Variants in PHF2 observed in about 807,000 individuals in gnomAD.
PHF2 encodes the protein PHD finger protein 2.
A neutral mutation model predicts 120.5 loss-of-function variants in PHF2; 27 were observed. The observed-to-expected ratio is 0.22, with a 90% CI of 0.17 to 0.31. PHF2 has a LOEUF of 0.31. PHF2 is among the 10% of genes least tolerant of loss of function. PHF2 has a pLI of 1.00. For synonymous variants in PHF2, 568 were observed against 592.5 expected, an observed-to-expected ratio of 0.96 and a Z score of 0.60; for missense variants, 1,024 against 1,434.8, an observed-to-expected ratio of 0.71 and a Z score of 4.63.
intron 18 of PHF2, 145 bp downstream of exon 18, chr9:93,674,007 C>A (rs1482629288): frequency 3.5e-5 from 32 of 915,176 alleles, no homozygotes; most frequent in Non-Finnish European, 4.6e-5. Context: ...ACTGCTGTCC[C>A]CGGAGACCCT....
chr9:93,578,665 G>A (rs1348001064), intron 1 of PHF2, among the ~76,000 whole-genome samples: 1 of 152,190 alleles, frequency 6.6e-6, no homozygotes, highest in East Asian at 1.9e-4. Context: ...GGGAAGGGAA[G>A]GCTAGTTCTG....
intron 19 of PHF2, among the ~76,000 whole-genome samples, chr9:93,675,345 C>T (rs1826889480): frequency 2.0e-5 from 3 of 152,260 alleles, no homozygotes; most frequent in African/African-American, 7.2e-5. Flanking sequence ...GTACCGGAGG[C>T]ACCCACTTGA....
chr9:93,665,652 G>A (rs1177363552), intron 14 of PHF2, 34 bp from the exon 15 acceptor site: 3 of 1,606,064 alleles, frequency 1.9e-6, no homozygotes. Flanking sequence ...GTGGGGCTAT[G>A]TGGATGCTGC....
intron 1 of PHF2, among the ~76,000 whole-genome samples, chr9:93,623,473 A>G (rs1825857059): frequency 1.3e-5 from 2 of 152,176 alleles, no homozygotes; most frequent in Admixed American, 1.3e-4. Flanking sequence ...CCATAGTGCT[A>G]TGCCCTGGTC....
At chr9:93,607,313 C>T (rs1825558646) in intron 1 of PHF2, among the ~76,000 whole-genome samples, 1 of 152,028 alleles carries the variant, frequency 6.6e-6, no homozygotes, top group East Asian at 1.9e-4. Context: ...ACTCTGTCAC[C>T]CAGGCTGGAG....
intron 7 of PHF2, among the ~76,000 whole-genome samples, chr9:93,655,085 G>A (rs541021829): frequency 2.0e-5 from 3 of 152,332 alleles, no homozygotes; most frequent in East Asian, 1.9e-4. Context: ...CCTAGATGAC[G>A]TTAGAACAAA....
chr9:93,673,235 C>T (rs76781920), intron 17 of PHF2, among the ~76,000 whole-genome samples: 228 of 151,962 alleles, frequency 1.5e-3, no homozygotes, highest in African/African-American at 5.2e-3. Flanking sequence ...GTCACTGAGT[C>T]GGCTTGCTGG....
rs578079216 is a variant in PHF2 at position 93,614,819 on chromosome 9, T to C, written c.99-15151T>C. 1.1e-4 allele frequency among the ~76,000 whole-genome samples: 16 copies of C among 152,168 alleles called. No individual in the cohort carries two copies. In the South Asian group the frequency reaches 3.1e-3, roughly 30 times the overall value. ...ATGATGGTAATGATAGTGATGGTGG[T>C]GGTAATGACGATGGTGGTGATGGTG... is the stretch of plus-strand genomic sequence containing the variant. On this transcript the variant is annotated intron_variant, in intron 1 of 21. Transcript: ENST00000359246.
At chr9:93,672,782 A>G (rs1474439569) in intron 17 of PHF2, 53 of 930,610 alleles carry the variant, frequency 5.7e-5, no homozygotes, top group African/African-American at 4.8e-4. Flanking sequence ...AGGTATGGGT[A>G]TAGGAGTAGG....
chr9:93,614,944 GTGA>G (rs1344599932), intron 1 of PHF2, among the ~76,000 whole-genome samples: 19 of 151,170 alleles, frequency 1.3e-4, no homozygotes, highest in African/African-American at 2.2e-4. Context: ...GATGGCAATG[GTGA>G]TGATGATGGT....
chr9:93,676,536 G>A, intron 20 of PHF2, 58 bp from the exon 21 acceptor site: 2 of 1,543,374 alleles, frequency 1.3e-6, no homozygotes, highest in Non-Finnish European at 1.8e-6. Context: ...GGAGCTCCCT[G>A]CTCTGTTGGC....
At chr9:93,597,172 G>T (rs1197215896) in intron 1 of PHF2, among the ~76,000 whole-genome samples, 2 of 151,972 alleles carry the variant, frequency 1.3e-5, no homozygotes, top group Non-Finnish European at 2.9e-5. Context: ...CTCATGGTCC[G>T]CCTGCCTCAG....
intron 7 of PHF2, 43 bp from the exon 8 acceptor site, chr9:93,655,891 T>C (rs1826450888): frequency 1.4e-6 from 2 of 1,471,688 alleles, no homozygotes; most frequent in South Asian, 2.3e-5. Flanking sequence ...AGCCCGTTCA[T>C]GGGAGCAAGG....
intron 1 of PHF2, among the ~76,000 whole-genome samples, chr9:93,620,971 G>T (rs1485965353): frequency 2.0e-5 from 3 of 152,242 alleles, no homozygotes; most frequent in Non-Finnish European, 4.4e-5. Context: ...CGAAGCCCTG[G>T]ATCCTCGTTA....
At chr9:93,665,484 G>T (rs1372474914) in intron 14 of PHF2, among the ~76,000 whole-genome samples, 2 of 152,234 alleles carry the variant, frequency 1.3e-5, no homozygotes, top group African/African-American at 2.4e-5. Context: ...CCTCCTGTCT[G>T]CAGAGGCTTG....
intron 3 of PHF2, among the ~76,000 whole-genome samples, chr9:93,644,263 G>A (rs541191306): frequency 6.6e-6 from 1 of 152,096 alleles, no homozygotes; most frequent in Admixed American, 6.5e-5. Flanking sequence ...GCACATGCCT[G>A]TAATCCCAGC....
At chr9:93,593,547 T>C (rs1825274280) in intron 1 of PHF2, among the ~76,000 whole-genome samples, 2 of 152,252 alleles carry the variant, frequency 1.3e-5, no homozygotes, top group Admixed American at 1.3e-4. Context: ...AAAGAGACCA[T>C]GCCCTTTATC....
At chr9:93,599,428 T>C (rs1325852463) in intron 1 of PHF2, among the ~76,000 whole-genome samples, 4 of 152,102 alleles carry the variant, frequency 2.6e-5, no homozygotes, top group African/African-American at 4.8e-5. Flanking sequence ...TGGGACCCCA[T>C]TGGGATCCAG....
chr9:93,577,183 C>T (rs1035327621), intron 1 of PHF2, among the ~76,000 whole-genome samples: 6 of 150,410 alleles, frequency 4.0e-5, no homozygotes, highest in African/African-American at 1.2e-4. Flanking sequence ...AGGCCCGGGC[C>T]GGGCCGCCTG....
Sources: allele counts gnomAD v4.1 joint callset (sites outside exome capture counted in the v4.1 genomes callset), GRCh38; gene constraint gnomAD v4.1.1; transcripts MANE v1.5; gene names NCBI Gene and HGNC (gene_info 2026-07-23, HGNC 2026-07-21).